GRM7: variants seen among roughly 807,000 people sequenced by gnomAD.
The protein encoded by GRM7 is metabotropic glutamate receptor 7.
A neutral mutation model predicts 84.5 loss-of-function variants in GRM7; 35 were observed. That is an observed-to-expected ratio of 0.41 (90% CI 0.32 to 0.55). The LOEUF (loss-of-function observed/expected upper bound fraction) is 0.55. GRM7 is among the 20% of genes least tolerant of loss of function. The pLI, the probability that GRM7 is intolerant of heterozygous loss-of-function variation, is 0.19. For synonymous variants in GRM7, 487 were observed against 455.1 expected (o/e 1.07, Z -0.89); for missense variants, 1,003 against 1,194.6 (o/e 0.84, Z 2.36).
intron 1 of GRM7, among the ~76,000 whole-genome samples, chr3:6,918,998 A>C (rs150431059): frequency 5.4e-4 from 83 of 152,314 alleles, no homozygotes; most frequent in African/African-American, 1.9e-3. Context: ...AACAAAATCA[A>C]TCTTTATGGC....
intron 9 of GRM7, among the ~76,000 whole-genome samples, chr3:7,731,851 T>C (rs572739397): frequency 5.3e-5 from 8 of 152,060 alleles, no homozygotes; most frequent in Non-Finnish European, 1.2e-4. Context: ...CCAGAAGCAA[T>C]TTAGTCCTCA....
At chr3:7,493,409 C>G in intron 7 of GRM7, among the ~76,000 whole-genome samples, 1 of 150,844 alleles carries the variant, frequency 6.6e-6, no homozygotes, top group African/African-American at 2.4e-5. Flanking sequence ...TTTTTTTTCT[C>G]ATTATTGTAA....
intron 7 of GRM7, among the ~76,000 whole-genome samples, chr3:7,565,523 C>G (rs1170631814): frequency 6.6e-6 from 1 of 152,132 alleles, no homozygotes; most frequent in East Asian, 1.9e-4. Context: ...AAGGTTATTT[C>G]ATATTGTGAC....
chr3:7,588,922 G>C (rs940582711), intron 8 of GRM7, among the ~76,000 whole-genome samples: 2 of 152,178 alleles, frequency 1.3e-5, no homozygotes, highest in African/African-American at 4.8e-5. Flanking sequence ...TATATATAAG[G>C]AGTCAGTTGT....
At chr3:7,081,040 T>A (rs916210888) in intron 1 of GRM7, among the ~76,000 whole-genome samples, 21 of 152,192 alleles carry the variant, frequency 1.4e-4, no homozygotes, top group African/African-American at 5.1e-4. Context: ...AGATATAAGT[T>A]ACTTTGTGTA....
intron 4 of GRM7, among the ~76,000 whole-genome samples, chr3:7,369,350 T>C (rs1276268590): frequency 6.6e-6 from 1 of 152,100 alleles, no homozygotes; most frequent in Non-Finnish European, 1.5e-5. Flanking sequence ...TAGGCAGGTC[T>C]CATGCTGAGT....
intron 1 of GRM7, among the ~76,000 whole-genome samples, chr3:6,894,516 T>C (rs1696100026): frequency 1.3e-5 from 2 of 152,170 alleles, no homozygotes; most frequent in Admixed American, 1.3e-4. Flanking sequence ...AATTGTAATA[T>C]ATACATTGTA....
At chr3:7,213,826 A>G (rs1176065533) in intron 2 of GRM7, among the ~76,000 whole-genome samples, 1 of 152,136 alleles carries the variant, frequency 6.6e-6, no homozygotes, top group Non-Finnish European at 1.5e-5. Context: ...ACCAGCTGCC[A>G]GTACTCCCAG....
At chr3:7,612,336 A>G (rs967994005) in intron 8 of GRM7, among the ~76,000 whole-genome samples, 1 of 152,166 alleles carries the variant, frequency 6.6e-6, no homozygotes, top group Non-Finnish European at 1.5e-5. Flanking sequence ...GAGATGTCAT[A>G]AAGTGCTTAA....
chr3:7,375,327 T>C lies in GRM7; in HGVS notation c.1034-39696T>C, dbSNP rs191859066. Among the ~76,000 whole-genome samples the C allele has an allele frequency of 5.0e-3, 757 of 150,120 alleles. 5 individuals are homozygous for C. Among genetic ancestry groups the C allele is most frequent in the African/African-American group, 0.016 (649 of 40,864 alleles). ...TCTGCCTCCCAGGTTCAAGCTATTC[T>C]CCTGCCTCAGCCTCCTGAGTGGCTG... On this transcript the variant is annotated intron_variant, in intron 4 of 9. Transcript: ENST00000357716.
chr3:7,064,479 T>TATATACAC lies in GRM7; in HGVS notation c.520-81972_520-81971insTATACACA. 5.4e-4 allele frequency among the ~76,000 whole-genome samples: 54 copies of TATATACAC among 99,378 alleles called. 1 individual carries two copies. The highest frequency in any genetic ancestry group is 1.9e-3 in the African/African-American group (48 of 25,764). 65.2% of individuals were successfully genotyped at this position (99,378 alleles called of 152,430 possible). A position where few individuals can be genotyped will look rare whatever the true frequency, so the allele number is the denominator to read the frequency against. On this transcript the variant is annotated intron_variant, in intron 1 of 9. Coordinates refer to ENST00000357716, the MANE Select transcript of GRM7 (RefSeq NM_000844.4). ...ATATATATACATATATATATATATA[T>TATATACAC]ACACACATATACATATATATATACA...
chr3:7,614,505 C>G (rs1040786891), intron 8 of GRM7, among the ~76,000 whole-genome samples: 1 of 152,152 alleles, frequency 6.6e-6, no homozygotes, highest in Admixed American at 6.6e-5. Flanking sequence ...ATTTTCCTTT[C>G]AACTGTGTTC....
chr3:7,336,099 A>C (rs1701409130), intron 4 of GRM7, among the ~76,000 whole-genome samples: 1 of 150,940 alleles, frequency 6.6e-6, no homozygotes, highest in Non-Finnish European at 1.5e-5. Context: ...AACAAAAAAA[A>C]ACACAGACCA....
At chr3:7,737,479 T>C (rs946958886) in intron 9 of GRM7, among the ~76,000 whole-genome samples, 3 of 152,226 alleles carry the variant, frequency 2.0e-5, no homozygotes, top group African/African-American at 7.2e-5. Context: ...GCAACTATTT[T>C]GAGCTCAGTA....
chr3:7,398,212 A>T lies in GRM7; in HGVS notation c.1034-16811A>T, dbSNP rs80051766. ...AAGCACTTAGGAAATATGGCTCAGA[A>T]TTGCTTCAAAACATCAGTATTCACT... On this transcript the variant is annotated intron_variant, in intron 4 of 9. Transcript: ENST00000357716. 3.1e-3 allele frequency among the ~76,000 whole-genome samples: 472 copies of T among 152,302 alleles called. 2 individuals carry two copies. The highest frequency in any genetic ancestry group is 0.01 in the African/African-American group (422 of 41,560).
At chr3:7,122,577 C>A (rs988129113) in intron 1 of GRM7, among the ~76,000 whole-genome samples, 6 of 152,222 alleles carry the variant, frequency 3.9e-5, no homozygotes, top group Non-Finnish European at 7.4e-5. Flanking sequence ...ACCAGGTTGA[C>A]TTTCTTTTGC....
At chr3:7,660,811 T>A (rs1338703799) in intron 8 of GRM7, among the ~76,000 whole-genome samples, 2 of 152,068 alleles carry the variant, frequency 1.3e-5, no homozygotes, top group African/African-American at 4.8e-5. Context: ...AGTCCAGAAC[T>A]AAACCCACAA....
intron 7 of GRM7, among the ~76,000 whole-genome samples, chr3:7,492,448 AG>A (rs1184874118): frequency 6.6e-6 from 1 of 152,078 alleles, no homozygotes; most frequent in Non-Finnish European, 1.5e-5. Context: ...TATGGCTTTC[AG>A]GGAATTGGTG....
chr3:7,155,508 G>GA (rs1422761290), intron 2 of GRM7, among the ~76,000 whole-genome samples: 1 of 151,976 alleles, frequency 6.6e-6, no homozygotes, highest in Non-Finnish European at 1.5e-5. Context: ...GGAGAGTTCT[G>GA]AAAAACAAGT....
Sources: allele counts gnomAD v4.1 joint callset (sites outside exome capture counted in the v4.1 genomes callset), GRCh38; gene constraint gnomAD v4.1.1; transcripts MANE v1.5; gene names NCBI Gene and HGNC (gene_info 2026-07-23, HGNC 2026-07-21).